The following POLR3G variants were observed in gnomAD, a reference collection of about 807,000 sequenced individuals.
The protein encoded by POLR3G is DNA-directed RNA polymerase III subunit RPC7.
A neutral mutation model predicts 30.1 loss-of-function variants in POLR3G; 28 were observed. The ratio of observed to expected loss-of-function variants is 0.93; its 90% CI spans 0.69 to 1.27. The LOEUF (loss-of-function observed/expected upper bound fraction) is 1.27, where lower values mean the gene tolerates loss of function less well. POLR3G is among the 50% of genes most tolerant of loss of function. The probability of loss-of-function intolerance (pLI) is 0.00; values close to 1 mark genes in which losing one functional copy is unlikely to be tolerated. For missense variants in POLR3G, 254 were observed against 264.6 expected (o/e 0.96, Z 0.28); for synonymous variants, 79 against 82.5 (o/e 0.96, Z 0.23).
chr5:90,479,610 T>G (rs1166271461), intron 1 of POLR3G, among the ~76,000 whole-genome samples: 1 of 152,216 alleles, frequency 6.6e-6, no homozygotes, highest in African/African-American at 2.4e-5. Context: ...GAAATTTTTT[T>G]TTTTTAATCT....
rs2151918113 is a variant in POLR3G, at chr5:90,513,357, C to G, written c.*1218C>G. On this transcript the variant is annotated 3_prime_UTR_variant, in exon 8 of 8. Coordinates refer to ENST00000651687, the MANE Select transcript of POLR3G (RefSeq NM_006467.3). Reference sequence around the variant, plus strand: ...ACCTTGAACCTGAGCTTGGTTGTTTCTGTGCCTTAGTTTCTCCACTCGTAA... The same window carrying G: ...ACCTTGAACCTGAGCTTGGTTGTTTGTGTGCCTTAGTTTCTCCACTCGTAA... 1 of 152,680 alleles carries G rather than the reference C, an allele frequency of 6.5e-6. No homozygotes were observed. The highest frequency in any genetic ancestry group is 2.1e-4 in the South Asian group (1 of 4,824). The allele number at this position is 152,680 out of a possible 1,614,324, so 9.5% of individuals were successfully genotyped here. A position where few individuals can be genotyped will look rare whatever the true frequency, so the allele number is the denominator to read the frequency against.
intron 1 of POLR3G, among the ~76,000 whole-genome samples, chr5:90,475,484 T>TTAA (rs1200130184): frequency 7.0e-6 from 1 of 143,662 alleles, no homozygotes; most frequent in Admixed American, 7.3e-5. Context: ...TTTAATTTTA[T>TTAA]TATTATTTAT....
intron 1 of POLR3G, among the ~76,000 whole-genome samples, chr5:90,477,142 G>A (rs1177901227): frequency 6.6e-6 from 1 of 152,218 alleles, no homozygotes; most frequent in African/African-American, 2.4e-5. Context: ...GGGAAACACA[G>A]AGAAGGGAGA....
At chr5:90,504,562 C>CA (rs879719373) in intron 6 of POLR3G, among the ~76,000 whole-genome samples, 88 of 131,324 alleles carry the variant, frequency 6.7e-4, no homozygotes, top group Admixed American at 1.9e-3. Context: ...ACTCCCATCT[C>CA]AAAAAAAAAA....
chr5:90,482,974 C>G (rs1310756285), intron 1 of POLR3G, among the ~76,000 whole-genome samples: 1 of 152,092 alleles, frequency 6.6e-6, no homozygotes, highest in African/African-American at 2.4e-5. Context: ...AACCCCGTCT[C>G]TACTAAAAAT....
At chr5:90,483,151 A>AG (rs1751234769) in intron 1 of POLR3G, among the ~76,000 whole-genome samples, 1 of 151,546 alleles carries the variant, frequency 6.6e-6, no homozygotes, top group African/African-American at 2.4e-5. Context: ...CTCAAAAAAA[A>AG]AAAAAAAAAA....
At chr5:90,506,397 A>C in intron 6 of POLR3G, 131 bp from the exon 7 acceptor site, 1 of 1,264,992 alleles carries the variant, frequency 7.9e-7, no homozygotes, top group Non-Finnish European at 1.1e-6. Flanking sequence ...ATAGTTTCCT[A>C]GGTGGTAGCC....
At chr5:90,474,444 G>T (rs542140191), upstream of POLR3G, 356 of 685,440 alleles carry the variant, frequency 5.2e-4, 2 homozygotes, top group African/African-American at 6.0e-3. Context: ...TGCGGGGGTC[G>T]GAATAGGAGG....
rs1294153430 is a variant in POLR3G, at chr5:90,501,991, A to T, written c.438+3A>T. The T allele has an allele frequency of 1.2e-6, 2 of 1,611,560 alleles. No homozygotes were observed. The highest frequency in any genetic ancestry group is 1.7e-6 in the Non-Finnish European group (2 of 1,178,608). On this transcript the variant is annotated splice_donor_region_variant and intron_variant, in intron 6 of 7. Transcript: ENST00000651687. The stretch of plus-strand genomic sequence containing the variant: ...AAGATGTGTTGAAAAAAATGGAGGT[A>T]AGGTTTTCTTCTTACTATACAAGTG...
At position 90,512,128 on chromosome 5, in the gene POLR3G, G is replaced by T. The variant is rs1474730278; in HGVS notation, c.661G>T (p.Ala221Ser). Residue 221 changes from alanine (A) to serine (S), a missense_variant, in exon 8 of 8, where the codon GCA (alanine) becomes TCA (serine). Ala to Ser is a moderately conservative substitution (Grantham distance 99). Transcript: ENST00000651687. The part of the protein sequence containing the change: ...GADSDDNMDE[A>S]TY ...AGACAGTGATGACAACATGGATGAG[G>T]CAACCTATTAGGCATGAAATTTTTC... The T allele has an allele frequency of 6.3e-7, 1 of 1,597,516 alleles. No individual in the cohort carries two copies. Among genetic ancestry groups the T allele is most frequent in the Non-Finnish European group, 8.6e-7 (1 of 1,165,718 alleles).
intron 3 of POLR3G, chr5:90,490,583 T>G: frequency 2.5e-6 from 1 of 392,322 alleles, no homozygotes; most frequent in Admixed American, 3.1e-5. Context: ...TTTTTTTTTT[T>G]TTTTTGTAGA....
chr5:90,506,797 T>C (rs1382859147), intron 7 of POLR3G, 123 bp downstream of exon 7: 4 of 1,347,886 alleles, frequency 3.0e-6, no homozygotes, highest in South Asian at 2.5e-5. Flanking sequence ...AAGTATATTA[T>C]TATCAATGGC....
chr5:90,493,361 C>T (rs569026891), intron 3 of POLR3G, among the ~76,000 whole-genome samples: 2 of 151,998 alleles, frequency 1.3e-5, no homozygotes, highest in African/African-American at 4.8e-5. Context: ...ATCCTCCCAC[C>T]GTAGCCTCCC....
intron 3 of POLR3G, among the ~76,000 whole-genome samples, chr5:90,490,429 G>A (rs534614450): frequency 6.7e-4 from 102 of 151,374 alleles, no homozygotes; most frequent in Non-Finnish European, 1.1e-3. Flanking sequence ...ATGAGGTCTC[G>A]CTCTGTCACC....
intron 1 of POLR3G, among the ~76,000 whole-genome samples, chr5:90,476,375 A>G (rs1207674645): frequency 6.6e-6 from 1 of 152,238 alleles, no homozygotes; most frequent in Non-Finnish European, 1.5e-5. Flanking sequence ...TAATGTCTGT[A>G]CACAATTACT....
At chr5:90,501,885 T>C (rs763750610) in intron 5 of POLR3G, 21 bp from the exon 6 acceptor site, 8 of 1,610,790 alleles carry the variant, frequency 5.0e-6, no homozygotes, top group South Asian at 4.4e-5. Context: ...AAAAATGTGT[T>C]AACTGGTAGT....
rs202081180 is a variant in POLR3G at position 90,495,762 on chromosome 5, A to G, written c.304+29A>G. 4.9e-5 allele frequency: 77 copies of G among 1,560,142 alleles called. No homozygotes were observed. In the Middle Eastern group the frequency reaches 5.1e-4, roughly 10 times the overall value. On this transcript the variant is annotated intron_variant, in intron 4 of 7. Coordinates refer to ENST00000651687, the MANE Select transcript of POLR3G (RefSeq NM_006467.3). ...ACTACAAAACACACAATATGAAAAC[A>G]GTTTTTAAAGGCTGTCTCTCTCACC...
chr5:90,493,313 C>G (rs1166894667), intron 3 of POLR3G, among the ~76,000 whole-genome samples: 1 of 152,090 alleles, frequency 6.6e-6, no homozygotes, highest in African/African-American at 2.4e-5. Context: ...GTGGCATAAT[C>G]TCAGCTCACT....
chr5:90,511,777 C>T (rs1419545504), intron 7 of POLR3G, among the ~76,000 whole-genome samples: 20 of 152,060 alleles, frequency 1.3e-4, no homozygotes, highest in Non-Finnish European at 1.5e-5. Context: ...AGTGGTTTAG[C>T]TAACTAAACT....
Sources: gnomAD v4.1 joint callset for allele counts (sites outside exome capture counted in the v4.1 genomes callset) on GRCh38, gnomAD v4.1.1 for gene constraint, MANE v1.5 for transcripts, NCBI Gene and HGNC (gene_info 2026-07-23, HGNC 2026-07-21) for gene names.